TRDMT1: variants seen among roughly 807,000 people sequenced by gnomAD.
TRDMT1 encodes the protein tRNA (cytosine(38)-C(5))-methyltransferase.
In TRDMT1, 49 loss-of-function variants were observed where a neutral mutation model predicts 51.2. The observed-to-expected ratio is 0.96, with a 90% CI of 0.76 to 1.21. The LOEUF (loss-of-function observed/expected upper bound fraction) is 1.21, where lower values mean the gene tolerates loss of function less well. Ranked by LOEUF, TRDMT1 falls within the 50% of genes most tolerant of loss-of-function variation. The pLI is 0.00. For synonymous variants in TRDMT1, 187 were observed against 164.6 expected, an observed-to-expected ratio of 1.14 and a Z score of -1.04; for missense variants, 534 against 462.3, an observed-to-expected ratio of 1.16 and a Z score of -1.42.
intron 1 of TRDMT1, among the ~76,000 whole-genome samples, chr10:17,187,060 T>G (rs1844032647): frequency 6.6e-6 from 1 of 152,202 alleles, no homozygotes; most frequent in South Asian, 2.1e-4. Flanking sequence ...TTCTTCTCTA[T>G]TTGTGTAGCA....
At position 17,137,786 on chromosome 10, in the gene TRDMT1, A is replaced by G. The variant is rs983151510; in HGVS notation, c.*11254T>C. On this transcript the variant is annotated 3_prime_UTR_variant, in exon 11 of 11. Transcript: ENST00000377799. ...GAGGTGGAGGTTGCAGCAAGCCGAG[A>G]GCCACTGCACTCCAGCCTGGGTGAC... Among the ~76,000 whole-genome samples the G allele has an allele frequency of 6.6e-6, 1 of 151,128 alleles. No homozygotes were observed. Among genetic ancestry groups the G allele is most frequent in the Non-Finnish European group, 1.5e-5 (1 of 67,822 alleles).
chr10:17,183,835 C>T (rs1843573605), intron 1 of TRDMT1, among the ~76,000 whole-genome samples: 1 of 152,158 alleles, frequency 6.6e-6, no homozygotes. Context: ...AGGAAAGTAA[C>T]AAGGTCAGAC....
intron 3 of TRDMT1, among the ~76,000 whole-genome samples, chr10:17,167,245 T>C (rs1473807997): frequency 2.6e-5 from 4 of 152,174 alleles, no homozygotes; most frequent in Admixed American, 1.3e-4. Flanking sequence ...TAAATCCAAA[T>C]GTAGATGGAA....
intron 7 of TRDMT1, among the ~76,000 whole-genome samples, chr10:17,158,813 G>C (rs1839909533): frequency 6.6e-6 from 1 of 152,116 alleles, no homozygotes; most frequent in Non-Finnish European, 1.5e-5. Flanking sequence ...CTATGGGAAG[G>C]ATAAAATGAT....
At position 17,146,265 on chromosome 10, in the gene TRDMT1, A is replaced by G. The variant is rs893434797; in HGVS notation, c.*2775T>C. 1 of 985,468 alleles carries G rather than the reference A, an allele frequency of 1.0e-6. No individual in the cohort carries two copies. The highest frequency in any genetic ancestry group is 1.2e-6 in the Non-Finnish European group (1 of 829,938). The allele number at this position is 985,468 out of a possible 1,614,324, so 61.0% of individuals were successfully genotyped here. A position where few individuals can be genotyped will look rare whatever the true frequency, so the allele number is the denominator to read the frequency against. ...AGAAGGCTCTCCTTTTTGAGGAAGA[A>G]TAAGTTGGCTGAAGGTTGGAGGTAT... On this transcript the variant is annotated 3_prime_UTR_variant, in exon 11 of 11. Coordinates refer to ENST00000377799, the MANE Select transcript of TRDMT1 (RefSeq NM_004412.7).
intron 1 of TRDMT1, among the ~76,000 whole-genome samples, chr10:17,182,976 G>A (rs1379266140): frequency 6.6e-6 from 1 of 152,094 alleles, no homozygotes; most frequent in East Asian, 1.9e-4. Context: ...TCTAATGCCA[G>A]CAAGGATTTA....
At chr10:17,174,053 G>A (rs148879566) in intron 2 of TRDMT1, among the ~76,000 whole-genome samples, 4,403 of 152,178 alleles carry the variant, frequency 0.029, 199 homozygotes, top group African/African-American at 0.099. Flanking sequence ...GTCAGCCACC[G>A]CGCCCAGCCA....
Position 17,169,573 on chromosome 10 carries a change from C to T in TRDMT1, c.175-656G>A, listed in dbSNP as rs543811940. ...CAGAAGACAAACACAGGGAAGCACACGTCAGGGGTTTGCCAACTCACATTA... is the reference window on the plus strand; with the variant it reads ...CAGAAGACAAACACAGGGAAGCACATGTCAGGGGTTTGCCAACTCACATTA... On this transcript the variant is annotated intron_variant, in intron 2 of 10. Coordinates refer to ENST00000377799, the MANE Select transcript of TRDMT1 (RefSeq NM_004412.7). 309 of 1,274,894 alleles carry T rather than the reference C, an allele frequency of 2.4e-4. 1 individual carries two copies. Among genetic ancestry groups the T allele is most frequent in the Non-Finnish European group, 1.7e-4 (165 of 975,386 alleles). 79.0% of individuals were successfully genotyped at this position (1,274,894 alleles called of 1,614,324 possible).
At chr10:17,169,581 G>A (rs1185856273) in intron 2 of TRDMT1, 1 of 1,254,154 alleles carries the variant, frequency 8.0e-7, no homozygotes, top group South Asian at 1.2e-5. Context: ...CACGTCAGGG[G>A]TTTGCCAACT....
At chr10:17,164,879 C>G (rs1202930990) in intron 3 of TRDMT1, among the ~76,000 whole-genome samples, 1 of 152,118 alleles carries the variant, frequency 6.6e-6, no homozygotes, top group Non-Finnish European at 1.5e-5. Context: ...AGGATACAAA[C>G]AAATGGAAGA....
At chr10:17,169,068 C>A in intron 2 of TRDMT1, 151 bp from the exon 3 acceptor site, 1 of 635,862 alleles carries the variant, frequency 1.6e-6, no homozygotes, top group Non-Finnish European at 2.6e-6. Context: ...ACTAACTTCT[C>A]AAAGCAATAC....
In TRDMT1 at chr10:17,144,166, C is replaced by T. The variant is rs530489973; in HGVS notation, c.*4874G>A. 1,239 of 985,144 alleles carry T rather than the reference C, an allele frequency of 1.3e-3. 15 individuals carry two copies. Among genetic ancestry groups the T allele is most frequent in the Middle Eastern group, 3.1e-3 (6 of 1,914 alleles). 61.0% of individuals were successfully genotyped at this position (985,144 alleles called of 1,614,324 possible). A position where few individuals can be genotyped will look rare whatever the true frequency, so the allele number is the denominator to read the frequency against. On this transcript the variant is annotated 3_prime_UTR_variant, in exon 11 of 11. Coordinates refer to ENST00000377799, the MANE Select transcript of TRDMT1 (RefSeq NM_004412.7). Reference sequence around the variant, plus strand: ...TCCAAGCCTCTGCTCTTCTTTTTCTCTTTCTCTCTTTCACTCTCATCCTCT... The same window carrying T: ...TCCAAGCCTCTGCTCTTCTTTTTCTTTTTCTCTCTTTCACTCTCATCCTCT...
chr10:17,158,038 A>G (rs1839805832), intron 7 of TRDMT1, among the ~76,000 whole-genome samples: 2 of 152,174 alleles, frequency 1.3e-5, no homozygotes, highest in Non-Finnish European at 2.9e-5. Context: ...AAAACATTCA[A>G]TAAACTAACA....
rs11254448 is a variant in TRDMT1, at chr10:17,187,454, T to C, written c.65-12794A>G. ...ATAATTTGACAATCATCAACAACCT[T>C]TAAAATGTTCATGTACTATAGCTTA... On this transcript the variant is annotated intron_variant, in intron 1 of 10. Coordinates refer to ENST00000377799, the MANE Select transcript of TRDMT1 (RefSeq NM_004412.7). 7.9e-4 allele frequency among the ~76,000 whole-genome samples: 120 copies of C among 152,262 alleles called. 1 individual carries two copies. In the East Asian group the frequency reaches 0.022, roughly 28 times the overall value.
At chr10:17,194,008 A>C (rs1845044222) in intron 1 of TRDMT1, among the ~76,000 whole-genome samples, 1 of 152,244 alleles carries the variant, frequency 6.6e-6, no homozygotes, top group South Asian at 2.1e-4. Context: ...ATAAAGGCAC[A>C]CACCTACAGT....
Position 17,139,509 on chromosome 10 carries a change from C to T in TRDMT1, c.*9531G>A, listed in dbSNP as rs982814020. On this transcript the variant is annotated 3_prime_UTR_variant, in exon 11 of 11. Transcript: ENST00000377799. ...GGGGGAAGAAAAAAACAGTTTGGTTCTCTTCTGGGAAGGAAAATGAAAAAA... is the reference window on the plus strand; with the variant it reads ...GGGGGAAGAAAAAAACAGTTTGGTTTTCTTCTGGGAAGGAAAATGAAAAAA... Among the ~76,000 whole-genome samples the T allele has an allele frequency of 6.6e-6, 1 of 152,030 alleles. No homozygotes were observed. The highest frequency in any genetic ancestry group is 1.5e-5 in the Non-Finnish European group (1 of 68,018).
chr10:17,201,636 C>G lies in TRDMT1; in HGVS notation c.-2G>C. 1 of 1,542,832 alleles carries G rather than the reference C, an allele frequency of 6.5e-7. No homozygotes were observed. Among genetic ancestry groups the G allele is most frequent in the Non-Finnish European group, 8.7e-7 (1 of 1,144,374 alleles). On this transcript the variant is annotated 5_prime_UTR_variant, in exon 1 of 11. Coordinates refer to ENST00000377799, the MANE Select transcript of TRDMT1 (RefSeq NM_004412.7). ...CTCCAGCACCCGCAGGGGCTCCATC[C>G]CCGCGCCTCAGCCGCCGCAGCCCCG...
At chr10:17,185,863 A>C (rs1472843648) in intron 1 of TRDMT1, among the ~76,000 whole-genome samples, 1 of 152,026 alleles carries the variant, frequency 6.6e-6, no homozygotes, top group Admixed American at 6.6e-5. Context: ...CAATGAGAAC[A>C]CTTGGACACA....
chr10:17,179,293 A>G (rs1842986492), intron 1 of TRDMT1, among the ~76,000 whole-genome samples: 1 of 152,132 alleles, frequency 6.6e-6, no homozygotes, highest in Admixed American at 6.5e-5. Flanking sequence ...TTGGCAGAAG[A>G]GAAGAGAAAA....
Sources: gnomAD v4.1 joint callset for allele counts (sites outside exome capture counted in the v4.1 genomes callset) on GRCh38, gnomAD v4.1.1 for gene constraint, MANE v1.5 for transcripts, NCBI Gene and HGNC (gene_info 2026-07-23, HGNC 2026-07-21) for gene names.